TMEM108: variants seen among roughly 807,000 people sequenced by gnomAD.
The protein encoded by TMEM108 is cancer/testis antigen 124.
A neutral mutation model predicts 35.1 loss-of-function variants in TMEM108; 12 were observed. The ratio of observed to expected loss-of-function variants is 0.34; its 90% CI spans 0.22 to 0.55. The LOEUF is 0.55. Ranked by LOEUF, TMEM108 falls within the 20% of genes least tolerant of loss-of-function variation. TMEM108 has a pLI of 0.89. For missense variants in TMEM108, 680 were observed against 753.3 expected (o/e 0.90, Z 1.14); for synonymous variants, 287 against 308.6 (o/e 0.93, Z 0.73).
intron 2 of TMEM108, among the ~76,000 whole-genome samples, chr3:133,168,047 C>T (rs1945070764): frequency 6.6e-6 from 1 of 152,132 alleles, no homozygotes. Flanking sequence ...TCTGTTTTGT[C>T]AGTCTTATGA....
chr3:133,262,713 C>T (rs1470455932), intron 3 of TMEM108, among the ~76,000 whole-genome samples: 2 of 152,204 alleles, frequency 1.3e-5, no homozygotes, highest in Non-Finnish European at 2.9e-5. Context: ...ATTAAGTCCC[C>T]GCTGTGTGCC....
chr3:133,162,844 T>C (rs1644174721), intron 2 of TMEM108, among the ~76,000 whole-genome samples: 1 of 152,230 alleles, frequency 6.6e-6, no homozygotes, highest in Non-Finnish European at 1.5e-5. Context: ...GTAAAATGAT[T>C]TGCAGAGTAG....
chr3:133,394,139 C>G (rs1281476802), intron 5 of TMEM108, among the ~76,000 whole-genome samples: 1 of 152,220 alleles, frequency 6.6e-6, no homozygotes, highest in Non-Finnish European at 1.5e-5. Context: ...TGAAGCCAGC[C>G]AAGCACACAC....
rs535701439 is a variant in TMEM108, at chr3:133,380,493, A to G, written c.782A>G (p.Asn261Ser). 4 of 1,613,772 alleles carry G rather than the reference A, an allele frequency of 2.5e-6. No homozygotes were observed. The highest frequency in any genetic ancestry group is 2.2e-5 in the East Asian group (1 of 44,880). The stretch of plus-strand genomic sequence containing the variant: ...GTGGCTGCGACCACAGTGCCCAGCA[A>G]TACCTCATGGGCACCCACCACCACC... The part of the protein sequence containing the change: ...QTVAATTVPS[N>S]TSWAPTTTSL... The change falls in exon 4 of 6, where the codon AAT becomes AGT. Residue 261 changes from asparagine (N) to serine (S), a missense_variant. Physicochemically the swap from Asn to Ser is conservative, Grantham distance 46. This residue lies in a region of TMEM108 where 526 missense variants were observed against 532.1 expected (regional missense o/e 0.99). Transcript: ENST00000321871. The surrounding 1 kb of genome is among the most constrained non-coding windows in gnomAD (Gnocchi z 5.3).
chr3:133,388,698 C>T, intron 4 of TMEM108: 1 of 985,440 alleles, frequency 1.0e-6, no homozygotes, highest in Non-Finnish European at 1.2e-6. Flanking sequence ...TAACCTTGTA[C>T]AGAGACCTTT....
intron 4 of TMEM108, chr3:133,389,266 T>C: frequency 1.0e-6 from 1 of 985,460 alleles, no homozygotes. Context: ...CCTGGGAGTC[T>C]CAGGGATGAA....
chr3:133,178,260 T>A (rs2107799236), intron 2 of TMEM108, among the ~76,000 whole-genome samples: 1 of 152,298 alleles, frequency 6.6e-6, no homozygotes, highest in Middle Eastern at 3.4e-3. Context: ...ATAGATTCAA[T>A]GCCATCCCCA....
intron 2 of TMEM108, among the ~76,000 whole-genome samples, chr3:133,085,003 A>G (rs1486566179): frequency 1.3e-5 from 2 of 152,172 alleles, no homozygotes; most frequent in Non-Finnish European, 2.9e-5. Context: ...GTCTTCACTA[A>G]CAGAAGCACC....
intron 3 of TMEM108, among the ~76,000 whole-genome samples, chr3:133,368,631 TCA>T (rs147366132): frequency 4.6e-5 from 7 of 150,668 alleles, no homozygotes; most frequent in Admixed American, 2.0e-4. Flanking sequence ...ATACATGCAC[TCA>T]CACACACACA....
At chr3:133,227,720 C>A (rs561894057) in intron 2 of TMEM108, among the ~76,000 whole-genome samples, 18 of 151,548 alleles carry the variant, frequency 1.2e-4, no homozygotes, top group South Asian at 2.1e-4. Flanking sequence ...CATGGTGAAA[C>A]CCTGTCTCTA....
chr3:133,345,387 A>T (rs935968246), intron 3 of TMEM108, among the ~76,000 whole-genome samples: 2 of 151,864 alleles, frequency 1.3e-5, no homozygotes, highest in African/African-American at 2.4e-5. Flanking sequence ...TTAGGGGAAT[A>T]AAAGCTCTCA....
intron 3 of TMEM108, among the ~76,000 whole-genome samples, chr3:133,320,239 C>G (rs1463500090): frequency 6.6e-6 from 1 of 151,568 alleles, no homozygotes; most frequent in South Asian, 2.1e-4. Context: ...CAAGGAAATA[C>G]CAGAGAAAGG....
At chr3:133,154,513 A>G (rs1034267246) in intron 2 of TMEM108, among the ~76,000 whole-genome samples, 3 of 152,218 alleles carry the variant, frequency 2.0e-5, no homozygotes, top group Non-Finnish European at 4.4e-5. Flanking sequence ...CATATACACC[A>G]TGGAATACTA....
At chr3:133,302,415 CTTTTT>C (rs927704510) in intron 3 of TMEM108, among the ~76,000 whole-genome samples, 1 of 110,102 alleles carries the variant, frequency 9.1e-6, no homozygotes, top group Admixed American at 1.0e-4. Flanking sequence ...TTCTTTCTTT[CTTTTT>C]TTTTTTTTTT....
At chr3:133,298,440 C>T (rs1947175284) in intron 3 of TMEM108, among the ~76,000 whole-genome samples, 1 of 152,046 alleles carries the variant, frequency 6.6e-6, no homozygotes. Context: ...TTCATCTAGT[C>T]CCCTGGTGAA....
At position 133,374,542 on chromosome 3, in the gene TMEM108, TTATA is replaced by T. The variant is rs10580755; in HGVS notation, c.41-5191_41-5188del. 2.1e-3 allele frequency among the ~76,000 whole-genome samples: 311 copies of T among 145,802 alleles called. 2 individuals are homozygous for T. Among genetic ancestry groups the T allele is most frequent in the Non-Finnish European group, 2.7e-3 (177 of 66,454 alleles). ...TATATGTGTGTATATATAATTTTTGTTATATATATATATATATATATACACACAC... is the reference window on the plus strand; with the variant it reads ...TATATGTGTGTATATATAATTTTTGTTATATATATATATATATACACACAC... On this transcript the variant is annotated intron_variant, in intron 3 of 5. Transcript: ENST00000321871.
chr3:133,381,662 C>T (rs1258064579), intron 4 of TMEM108, among the ~76,000 whole-genome samples: 1 of 152,210 alleles, frequency 6.6e-6, no homozygotes, highest in Non-Finnish European at 1.5e-5. Flanking sequence ...AAACCCCTCA[C>T]CTTCCTCTTT....
At chr3:133,192,875 G>A (rs1945520252) in intron 2 of TMEM108, 1 of 151,940 alleles carries the variant, frequency 6.6e-6, no homozygotes, top group Admixed American at 6.6e-5. Flanking sequence ...GTCAAGAGGA[G>A]GCCTATATGG....
intron 2 of TMEM108, among the ~76,000 whole-genome samples, chr3:133,049,970 G>C (rs1293045877): frequency 6.6e-6 from 1 of 152,088 alleles, no homozygotes; most frequent in Non-Finnish European, 1.5e-5. Flanking sequence ...ACATATTACA[G>C]CACAGATTTA....
Sources: allele counts gnomAD v4.1 joint callset (sites outside exome capture counted in the v4.1 genomes callset), GRCh38; gene constraint gnomAD v4.1.1; regional missense constraint gnomAD v4.1.1; non-coding constraint Gnocchi (gnomAD v3.1); transcripts MANE v1.5; gene names NCBI Gene and HGNC (gene_info 2026-07-23, HGNC 2026-07-21).